The following LINGO2 variants were observed in gnomAD, a reference collection of about 807,000 sequenced individuals.
LINGO2 encodes the protein leucine rich repeat and Ig domain containing 2.
A neutral mutation model predicts 30.6 loss-of-function variants in LINGO2; 14 were observed. The observed-to-expected ratio is 0.46, with a 90% confidence interval of 0.30 to 0.72. The LOEUF is 0.72. Among genes scored for constraint, LINGO2 ranks in the 30% least tolerant of loss-of-function variants. LINGO2 has a pLI of 0.07. For missense variants in LINGO2, 729 were observed against 751.7 expected (o/e 0.97, Z 0.35); for synonymous variants, 317 against 288.5 (o/e 1.10, Z -1.00).
the LINGO2 span, among the ~76,000 whole-genome samples, chr9:28,688,550 A>G: frequency 7.2e-4 from 110 of 152,276 alleles, no homozygotes; most frequent in Non-Finnish European, 1.3e-3. Flanking sequence ...GGTTCCTCCT[A>G]AGGGAAATTG....
chr9:28,849,169 C>T, the LINGO2 span, among the ~76,000 whole-genome samples: 4 of 152,114 alleles, frequency 2.6e-5, no homozygotes, highest in South Asian at 2.1e-4. Context: ...ACATTTCTTA[C>T]GCTCTTCTTG....
chr9:29,187,427 C>G, the LINGO2 span, among the ~76,000 whole-genome samples: 2 of 152,266 alleles, frequency 1.3e-5, no homozygotes, highest in African/African-American at 4.8e-5. Context: ...ATTTTAATCT[C>G]TAAGCATACT....
intron 5 of LINGO2, among the ~76,000 whole-genome samples, chr9:27,955,002 T>A (rs1053468249): frequency 6.6e-6 from 1 of 152,218 alleles, no homozygotes; most frequent in East Asian, 1.9e-4. Context: ...TGATGATTAC[T>A]GACGTTGAGC....
intron 2 of LINGO2, among the ~76,000 whole-genome samples, chr9:28,405,600 T>C (rs1587624640): frequency 6.6e-6 from 1 of 152,196 alleles, no homozygotes; most frequent in African/African-American, 2.4e-5. Flanking sequence ...CACAGACATA[T>C]ACATATACAC....
At chr9:28,867,153 G>T in the LINGO2 span, among the ~76,000 whole-genome samples, 99 of 152,212 alleles carry the variant, frequency 6.5e-4, no homozygotes, top group African/African-American at 2.1e-3. Context: ...TATGACAAAT[G>T]CTGCTGGTAA....
chr9:28,419,033 T>C (rs987879133), intron 2 of LINGO2, among the ~76,000 whole-genome samples: 2 of 152,162 alleles, frequency 1.3e-5, no homozygotes, highest in African/African-American at 4.8e-5. Context: ...CAGAGTAACA[T>C]TTCCAGAGTA....
chr9:27,997,439 T>G (rs1343680354), intron 5 of LINGO2, among the ~76,000 whole-genome samples: 1 of 152,064 alleles, frequency 6.6e-6, no homozygotes, highest in Admixed American at 6.5e-5. Context: ...CAGATGAACT[T>G]CAAACCTGGC....
At chr9:29,070,535 C>G in the LINGO2 span, among the ~76,000 whole-genome samples, 1 of 152,072 alleles carries the variant, frequency 6.6e-6, no homozygotes, top group African/African-American at 2.4e-5. Flanking sequence ...AGGCTACCAT[C>G]GCAGGGTAGG....
intron 3 of LINGO2, among the ~76,000 whole-genome samples, chr9:28,342,926 T>A (rs1414341190): frequency 6.6e-6 from 1 of 152,094 alleles, no homozygotes; most frequent in African/African-American, 2.4e-5. Flanking sequence ...ATCCTTCCAT[T>A]TGTTTCAGGT....
intron 1 of LINGO2, among the ~76,000 whole-genome samples, chr9:28,586,223 A>G (rs1587913484): frequency 1.3e-5 from 2 of 152,058 alleles, no homozygotes; most frequent in South Asian, 2.1e-4. Flanking sequence ...TTATTTTAGG[A>G]ATAAAACAAG....
the LINGO2 span, among the ~76,000 whole-genome samples, chr9:29,049,683 A>T: frequency 1.3e-5 from 2 of 152,182 alleles, no homozygotes; most frequent in Admixed American, 1.3e-4. Context: ...AGTGAAATAA[A>T]CCAGGCCCAG....
At chr9:29,071,175 T>TATTGTATTGC in the LINGO2 span, among the ~76,000 whole-genome samples, 1 of 95,482 alleles carries the variant, frequency 1.0e-5, no homozygotes, top group East Asian at 2.6e-4. Flanking sequence ...TATTGTATTG[T>TATTGTATTGC]ATTGTATTGT....
chr9:28,881,278 C>T, the LINGO2 span, among the ~76,000 whole-genome samples: 1 of 152,070 alleles, frequency 6.6e-6, no homozygotes, highest in Non-Finnish European at 1.5e-5. Context: ...TATGTCACAC[C>T]ACGCCTGGCT....
intron 2 of LINGO2, among the ~76,000 whole-genome samples, chr9:28,413,137 G>A: frequency 6.6e-6 from 1 of 152,020 alleles, no homozygotes; most frequent in East Asian, 1.9e-4. Flanking sequence ...TTATTAATAA[G>A]CCTTCCAGAT....
exon 6 of LINGO2, chr9:27,949,274 G>T: frequency 1.2e-6 from 2 of 1,614,086 alleles, no homozygotes; most frequent in Non-Finnish European, 1.7e-6. Flanking sequence ...TTTCCAAGGT[G>T]CCATCACCCA....
chr9:28,811,515 CT>C, the LINGO2 span, among the ~76,000 whole-genome samples: 53 of 152,248 alleles, frequency 3.5e-4, no homozygotes, highest in Non-Finnish European at 6.6e-4. Flanking sequence ...TTTTAAAGCC[CT>C]GTATAATAAT....
the LINGO2 span, among the ~76,000 whole-genome samples, chr9:29,159,068 C>G: frequency 1.3e-5 from 2 of 152,150 alleles, no homozygotes; most frequent in African/African-American, 4.8e-5. Context: ...GAGTCCCCTT[C>G]TTGGAGCCAT....
chr9:28,625,922 C>G (rs190944924), intron 1 of LINGO2, among the ~76,000 whole-genome samples: 1 of 152,120 alleles, frequency 6.6e-6, no homozygotes, highest in East Asian at 1.9e-4. Flanking sequence ...TGAAGACATA[C>G]ACTTTGAGTT....
In LINGO2 at chr9:28,516,283, C is replaced by A. The variant is rs565517283; in HGVS notation, c.-364-40258G>T. On this transcript the variant is annotated intron_variant, in intron 1 of 5. Transcript: ENST00000379992. ...TCTCTCCCCACAAATGTCAAGGGAG[C>A]TTCTGATATAGGTAGGATCATTTCA... Among the ~76,000 whole-genome samples the A allele has an allele frequency of 1.2e-4, 19 of 152,278 alleles. 1 individual carries two copies. In the South Asian group the frequency reaches 2.9e-3, roughly 23 times the overall value.
Sources: gnomAD v4.1 joint callset for allele counts (sites outside exome capture counted in the v4.1 genomes callset) on GRCh38, gnomAD v4.1.1 for gene constraint, MANE v1.5 for transcripts, NCBI Gene and HGNC (gene_info 2026-07-23, HGNC 2026-07-21) for gene names.